Variants in SORL1 observed in about 807,000 individuals in gnomAD.
SORL1 encodes sortilin-related receptor.
In SORL1, 127 loss-of-function variants were observed where a neutral mutation model predicts 273.7. The ratio of observed to expected loss-of-function variants is 0.46; its 90% CI spans 0.40 to 0.54. The LOEUF is 0.54. Ranked by LOEUF, SORL1 falls within the 20% of genes least tolerant of loss-of-function variation. The pLI, the probability that SORL1 is intolerant of heterozygous loss-of-function variation, is 0.00. For synonymous variants in SORL1, 1,031 were observed against 1,067.4 expected, an observed-to-expected ratio of 0.97 and a Z score of 0.66; for missense variants, 2,494 against 2,846.1, an observed-to-expected ratio of 0.88 and a Z score of 2.81.
intron 3 of SORL1, among the ~76,000 whole-genome samples, chr11:121,487,283 G>A (rs1221116941): frequency 6.6e-6 from 1 of 152,230 alleles, no homozygotes; most frequent in Non-Finnish European, 1.5e-5. Flanking sequence ...CTGGTCCGTG[G>A]TGGGAATGCA....
At chr11:121,564,229 T>C (rs1190648331) in intron 21 of SORL1, among the ~76,000 whole-genome samples, 1 of 152,240 alleles carries the variant, frequency 6.6e-6, no homozygotes, top group Non-Finnish European at 1.5e-5. Flanking sequence ...CCCTTCCATC[T>C]TCTTCCAGCT....
chr11:121,498,453 A>G (rs951366458), intron 6 of SORL1, among the ~76,000 whole-genome samples: 1 of 152,162 alleles, frequency 6.6e-6, no homozygotes, highest in Non-Finnish European at 1.5e-5. Flanking sequence ...TTTAATTCTG[A>G]ACTCTAAAAC....
At chr11:121,514,423 AC>A in intron 8 of SORL1, 102 bp downstream of exon 8, 1 of 1,209,254 alleles carries the variant, frequency 8.3e-7, no homozygotes, top group East Asian at 2.6e-5. Flanking sequence ...ATGTGGATAC[AC>A]CCGGGGAGCT....
intron 22 of SORL1, 58 bp downstream of exon 22, chr11:121,567,171 C>A: frequency 7.1e-7 from 1 of 1,404,336 alleles, no homozygotes; most frequent in East Asian, 2.3e-5. Flanking sequence ...CTGCTCCCCG[C>A]CAGGGGAGGG....
In SORL1 at chr11:121,621,028, T is replaced by C. The variant is rs528799418; in HGVS notation, c.5890-36T>C. On this transcript the variant is annotated intron_variant, in intron 43 of 47. Transcript: ENST00000260197. ...TACAAAGAGTGAAAAATGTCAACTT[T>C]CTGATTATCATTCACTTGTTCTTTT... is the stretch of plus-strand genomic sequence containing the variant. 49 of 1,486,430 alleles carry C rather than the reference T, an allele frequency of 3.3e-5. No individual in the cohort carries two copies. The East Asian group carries it at 9.5e-4, about 29-fold the overall frequency. The allele number at this position is 1,486,430 out of a possible 1,614,324, so 92.1% of individuals were successfully genotyped here. A position where few individuals can be genotyped will look rare whatever the true frequency, so the allele number is the denominator to read the frequency against.
At chr11:121,494,650 G>C (rs1189916893) in intron 5 of SORL1, among the ~76,000 whole-genome samples, 1 of 152,172 alleles carries the variant, frequency 6.6e-6, no homozygotes, top group Non-Finnish European at 1.5e-5. Context: ...CAAAGTATGA[G>C]AACTTGTAGG....
chr11:121,477,417 G>A lies in SORL1; in HGVS notation c.403-701G>A, dbSNP rs540934431. Reference sequence around the variant, plus strand: ...CAACAGATGGCAAAACAAATCCTCCGTTCCATTCCCCTCAGCTAGCCACAT... The same window carrying A: ...CAACAGATGGCAAAACAAATCCTCCATTCCATTCCCCTCAGCTAGCCACAT... On this transcript the variant is annotated intron_variant, in intron 2 of 47. Transcript: ENST00000260197. Among the ~76,000 whole-genome samples, 48 of 152,284 alleles carry A rather than the reference G, an allele frequency of 3.2e-4. No homozygotes were observed. The South Asian group carries it at 8.7e-3, about 28-fold the overall frequency.
chr11:121,526,577 C>T (rs1024129364), intron 11 of SORL1, among the ~76,000 whole-genome samples: 4 of 152,070 alleles, frequency 2.6e-5, no homozygotes, highest in African/African-American at 9.7e-5. Context: ...ACTATTGAGT[C>T]TTCTGATCCA....
Position 121,496,901 on chromosome 11 carries a change from T to C in SORL1, c.791T>C (p.Ile264Thr), listed in dbSNP as rs550680703. 62 of 1,613,352 alleles carry C rather than the reference T, an allele frequency of 3.8e-5. No individual in the cohort carries two copies. In the South Asian group the frequency reaches 5.9e-4, roughly 15 times the overall value. Residue 264 changes from isoleucine to threonine, a missense_variant, in exon 6 of 48, where the codon ATC becomes ACC. Around this residue, in one of 3 missense-constraint regions of SORL1, gnomAD observed 710 missense variants for 882.5 expected, o/e 0.80. Coordinates refer to ENST00000260197, the MANE Select transcript of SORL1 (RefSeq NM_003105.6). Reference sequence around the variant, plus strand: ...GATCCCTATGACAAACCAAATACCATCTACATTGAACGACATGAACCCTCT... The same window carrying C: ...GATCCCTATGACAAACCAAATACCACCTACATTGAACGACATGAACCCTCT... ...GIDPYDKPNT[I>T]YIERHEPSGY...
At chr11:121,568,739 G>A (rs1006780643) in intron 22 of SORL1, among the ~76,000 whole-genome samples, 2 of 152,154 alleles carry the variant, frequency 1.3e-5, no homozygotes, top group Non-Finnish European at 2.9e-5. Flanking sequence ...ATTTTATAAT[G>A]TTGATGTACT....
intron 32 of SORL1, among the ~76,000 whole-genome samples, chr11:121,600,324 C>T (rs1396131142): frequency 6.6e-6 from 1 of 152,160 alleles, no homozygotes; most frequent in Non-Finnish European, 1.5e-5. Context: ...TGAAAGTTCT[C>T]ATCAGGGAAG....
At chr11:121,590,210 C>G in intron 30 of SORL1, 36 bp downstream of exon 30, 1 of 1,601,712 alleles carries the variant, frequency 6.2e-7, no homozygotes, top group Non-Finnish European at 8.5e-7. Flanking sequence ...AGCCCCATAA[C>G]CAAGACACAC....
Position 121,550,508 on chromosome 11 carries a change from A to C in SORL1, c.2181-77A>C, listed in dbSNP as rs1862491083. On this transcript the variant is annotated intron_variant, in intron 15 of 47. Coordinates refer to ENST00000260197, the MANE Select transcript of SORL1 (RefSeq NM_003105.6). This position sits in a 1 kb window ranked among gnomAD's most constrained non-coding sequence, Gnocchi z 5.3. The stretch of plus-strand genomic sequence containing the variant: ...TGGACTCTACTGGCCGTGGGTAGTA[A>C]GTGTATTCCCAGCTGGGATGCCTTT... 1 of 1,210,018 alleles carries C rather than the reference A, an allele frequency of 8.3e-7. No homozygotes were observed. Among genetic ancestry groups the C allele is most frequent in the Non-Finnish European group, 1.2e-6 (1 of 816,120 alleles). The allele number at this position is 1,210,018 out of a possible 1,614,324, so 75.0% of individuals were successfully genotyped here.
chr11:121,470,521 C>G (rs1861151503), intron 2 of SORL1, among the ~76,000 whole-genome samples: 1 of 152,152 alleles, frequency 6.6e-6, no homozygotes, highest in African/African-American at 2.4e-5. Context: ...AACTGATTCT[C>G]TAATATTCTT....
chr11:121,454,315 C>T (rs1022843175), intron 1 of SORL1, among the ~76,000 whole-genome samples: 4 of 152,234 alleles, frequency 2.6e-5, no homozygotes, highest in African/African-American at 4.8e-5. Flanking sequence ...TCCCAGTGCT[C>T]AGGTCCCCTG....
At position 121,627,737 on chromosome 11, in the gene SORL1, T is replaced by TC. The variant is rs780393886; in HGVS notation, c.6549dup (p.Ala2184ArgfsTer8). On this transcript the variant is annotated frameshift_variant, in exon 47 of 48. Transcript: ENST00000260197. LOFTEE classifies it high-confidence loss of function. The surrounding 1 kb of genome is among the most constrained non-coding windows in gnomAD (Gnocchi z 4.9). ...CAGCCACTACAGCTCCAGGCTGGGG[T>TC]CCGCAATCTTCTCCTCTGGGGATGA... 6.2e-7 allele frequency: 1 copy of TC among 1,613,924 alleles called. No individual in the cohort carries two copies.
chr11:121,470,063 C>T lies in SORL1; in HGVS notation c.342C>T (p.Ser114=). 1 of 1,614,144 alleles carries T rather than the reference C, an allele frequency of 6.2e-7. No homozygotes were observed. The highest frequency in any genetic ancestry group is 1.1e-5 in the South Asian group (1 of 91,084). ...TGGTGCACTGGGCTGGAGAGAAAAG[C>T]AACGTGATCGTGGCCTTGGCCCGAG... ...QMVVHWAGEK[S]NVIVALARDS... The change falls in exon 2 of 48, where the codon AGC becomes AGT. Residue 114 remains serine (S), a synonymous_variant. Coordinates refer to ENST00000260197, the MANE Select transcript of SORL1 (RefSeq NM_003105.6).
At chr11:121,470,262 T>G in intron 2 of SORL1, 139 bp downstream of exon 2, 1 of 718,376 alleles carries the variant, frequency 1.4e-6, no homozygotes, top group Admixed American at 1.9e-5. Context: ...GAAGATAATC[T>G]AGAAAATGAT....
chr11:121,535,089 GT>G (rs67090204), intron 12 of SORL1, among the ~76,000 whole-genome samples: 87,439 of 148,516 alleles, frequency 0.59, 25,549 homozygotes, highest in African/African-American at 0.62. Context: ...ATTGCTTATG[GT>G]TTTTTTTTTT....
Sources: gnomAD v4.1 joint callset for allele counts (sites outside exome capture counted in the v4.1 genomes callset) on GRCh38, gnomAD v4.1.1 for gene constraint, gnomAD v4.1.1 regional missense constraint, Gnocchi (gnomAD v3.1) non-coding constraint, MANE v1.5 for transcripts, NCBI Gene and HGNC (gene_info 2026-07-23, HGNC 2026-07-21) for gene names.